CNTN5: variants seen among roughly 807,000 people sequenced by gnomAD.
CNTN5 encodes the protein contactin 5, also known as contactin-5.
Under a neutral mutation model 129.1 loss-of-function variants are expected in CNTN5, and 77 were observed. That is an observed-to-expected ratio of 0.60 (90% CI 0.50 to 0.72). CNTN5 has a LOEUF of 0.72. Ranked by LOEUF, CNTN5 falls within the 30% of genes least tolerant of loss-of-function variation. CNTN5 has a pLI of 0.00. For missense variants in CNTN5, 1,478 were observed against 1,328.8 expected, an observed-to-expected ratio of 1.11 and a Z score of -1.75; for synonymous variants, 509 against 465.6, an observed-to-expected ratio of 1.09 and a Z score of -1.20.
chr11:100,190,299 G>A (rs988736871), intron 13 of CNTN5, among the ~76,000 whole-genome samples: 15 of 151,998 alleles, frequency 9.9e-5, no homozygotes, highest in Admixed American at 2.6e-4. Context: ...TCAGGTTGCC[G>A]GAGTAGGTCG....
At chr11:99,318,540 A>G (rs1865438297) in intron 1 of CNTN5, among the ~76,000 whole-genome samples, 1 of 147,930 alleles carries the variant, frequency 6.8e-6, no homozygotes, top group South Asian at 2.2e-4. Context: ...AACTTTTGAG[A>G]ATTATTTTTT....
intron 2 of CNTN5, among the ~76,000 whole-genome samples, chr11:99,424,816 C>T (rs1943049240): frequency 6.6e-6 from 1 of 152,204 alleles, no homozygotes; most frequent in African/African-American, 2.4e-5. Flanking sequence ...TTCAGTCGGG[C>T]CATTCAATGG....
intron 13 of CNTN5, among the ~76,000 whole-genome samples, chr11:100,151,512 T>A (rs1947054789): frequency 6.6e-6 from 1 of 152,128 alleles, no homozygotes; most frequent in Non-Finnish European, 1.5e-5. Flanking sequence ...AATATCAGCA[T>A]TCTTTTTAGA....
At chr11:100,154,090 T>G (rs997621728) in intron 13 of CNTN5, among the ~76,000 whole-genome samples, 2 of 152,102 alleles carry the variant, frequency 1.3e-5, no homozygotes, top group African/African-American at 2.4e-5. Flanking sequence ...TTTCTCCTAA[T>G]GCTATCCCTC....
chr11:99,160,030 G>T (rs12279479), intron 1 of CNTN5, among the ~76,000 whole-genome samples: 5,548 of 152,180 alleles, frequency 0.036, 344 homozygotes, highest in African/African-American at 0.12. Context: ...AGTAGTCTCT[G>T]TGTTCATGAG....
At chr11:99,320,753 G>T (rs781463242) in intron 1 of CNTN5, among the ~76,000 whole-genome samples, 12 of 152,190 alleles carry the variant, frequency 7.9e-5, no homozygotes, top group Non-Finnish European at 1.5e-4. Flanking sequence ...GTGATGTAAG[G>T]TTAAGACAGT....
chr11:99,692,401 CT>C (rs1471967234), intron 3 of CNTN5, among the ~76,000 whole-genome samples: 1 of 152,066 alleles, frequency 6.6e-6, no homozygotes, highest in Non-Finnish European at 1.5e-5. Context: ...GTGTTTAGTG[CT>C]TCCTTAGGAG....
intron 21 of CNTN5, among the ~76,000 whole-genome samples, chr11:100,333,408 G>GAAAAAAAAAAAAAAAAAAAAA (rs547220238): frequency 1.3e-5 from 1 of 74,274 alleles, no homozygotes. Context: ...CACTGAATTA[G>GAAAAAAAAAAAAAAAAAAAAA]AAAAAAAAAA....
chr11:99,226,469 G>A (rs531495363), intron 1 of CNTN5, among the ~76,000 whole-genome samples: 5 of 152,202 alleles, frequency 3.3e-5, no homozygotes, highest in South Asian at 4.1e-4. Flanking sequence ...CTTGCGCTTC[G>A]TATCTTCTGG....
intron 1 of CNTN5, among the ~76,000 whole-genome samples, chr11:99,130,737 A>G (rs1858892796): frequency 6.6e-6 from 1 of 152,156 alleles, no homozygotes; most frequent in Admixed American, 6.5e-5. Flanking sequence ...CAAATGCAAA[A>G]CAACTGAAAT....
chr11:99,180,416 CT>C (rs1410034262), intron 1 of CNTN5, among the ~76,000 whole-genome samples: 1 of 152,064 alleles, frequency 6.6e-6, no homozygotes. Flanking sequence ...GACCCTAACT[CT>C]TTTTGTAATG....
intron 1 of CNTN5, among the ~76,000 whole-genome samples, chr11:99,085,237 G>A (rs1339900116): frequency 6.9e-6 from 1 of 145,510 alleles, no homozygotes; most frequent in Non-Finnish European, 1.5e-5. Context: ...TAGAGACGGG[G>A]TTTTACCATG....
intron 2 of CNTN5, among the ~76,000 whole-genome samples, chr11:99,507,216 A>C (rs1437347002): frequency 6.6e-6 from 1 of 151,868 alleles, no homozygotes; most frequent in Admixed American, 6.6e-5. Context: ...TTCTACACTA[A>C]AAATACAAAA....
chr11:99,763,816 A>G (rs1238157766), intron 3 of CNTN5, among the ~76,000 whole-genome samples: 2 of 152,058 alleles, frequency 1.3e-5, no homozygotes, highest in Non-Finnish European at 2.9e-5. Context: ...AGAGAAATAG[A>G]ACAACCGTAA....
chr11:100,184,970 G>A (rs1948253036), intron 13 of CNTN5, among the ~76,000 whole-genome samples: 1 of 151,696 alleles, frequency 6.6e-6, no homozygotes, highest in Non-Finnish European at 1.5e-5. Flanking sequence ...TTCTCATGAG[G>A]ACTGATGGTT....
At chr11:99,082,452 G>A (rs949118413) in intron 1 of CNTN5, among the ~76,000 whole-genome samples, 2 of 152,114 alleles carry the variant, frequency 1.3e-5, no homozygotes, top group African/African-American at 2.4e-5. Context: ...CAAAGTGCTG[G>A]AATTACAGGC....
At chr11:99,602,043 G>A (rs529999858) in intron 3 of CNTN5, among the ~76,000 whole-genome samples, 2 of 151,944 alleles carry the variant, frequency 1.3e-5, no homozygotes, top group East Asian at 3.9e-4. Flanking sequence ...ACAGAGATAT[G>A]CATACATATA....
chr11:99,559,279 T>C (rs1494473), intron 3 of CNTN5, among the ~76,000 whole-genome samples: 37,558 of 151,980 alleles, frequency 0.25, 5,671 homozygotes, highest in Middle Eastern at 0.39. Context: ...CCAAAAAGAC[T>C]AACTGAAGAA....
intron 15 of CNTN5, among the ~76,000 whole-genome samples, chr11:100,211,472 GA>G (rs199520923): frequency 0.049 from 7,077 of 144,260 alleles, 284 homozygotes; most frequent in African/African-American, 0.11. Context: ...CTGATATTGG[GA>G]AAAAAAAAAA....
Sources: gnomAD v4.1 joint callset for allele counts (sites outside exome capture counted in the v4.1 genomes callset) on GRCh38, gnomAD v4.1.1 for gene constraint, MANE v1.5 for transcripts, NCBI Gene and HGNC (gene_info 2026-07-23, HGNC 2026-07-21) for gene names.